The following FRMPD4 variants were observed in gnomAD, a reference collection of about 807,000 sequenced individuals.
FRMPD4 encodes the protein FERM and PDZ domain containing 4, also known as FERM and PDZ domain-containing protein 4.
Under a neutral mutation model 94.1 loss-of-function variants are expected in FRMPD4, and 22 were observed. That is an observed-to-expected ratio of 0.23 (90% CI 0.17 to 0.33). The LOEUF (loss-of-function observed/expected upper bound fraction) is 0.33. Among genes scored for constraint, FRMPD4 ranks in the 10% least tolerant of loss-of-function variants. The pLI is 1.00. For synonymous variants in FRMPD4, 631 were observed against 548.6 expected (o/e 1.15, Z -2.10); for missense variants, 1,111 against 1,339.9 (o/e 0.83, Z 2.67).
At chrX:12,155,581 C>CAAAAAA (rs60727413) in intron 1 of FRMPD4, among the ~76,000 whole-genome samples, 7 of 21,914 alleles carry the variant, frequency 3.2e-4, no homozygotes, top group African/African-American at 5.5e-4. Flanking sequence ...CATATCCTCA[C>CAAAAAA]AAAAAAAAAA....
chrX:12,529,833 AGCAAATTCAGTGTCAGCT>A (rs1263999615), intron 2 of FRMPD4, among the ~76,000 whole-genome samples: 1 of 107,644 alleles, frequency 9.3e-6, no homozygotes, highest in Admixed American at 1.0e-4. Flanking sequence ...TCACAACACC[AGCAAATTCAGTGTCAGCT>A]GAAGGCCCAT....
intron 1 of FRMPD4, among the ~76,000 whole-genome samples, chrX:11,845,301 A>G (rs769675600): frequency 8.9e-6 from 1 of 112,105 alleles, no homozygotes; most frequent in Non-Finnish European, 1.9e-5. Flanking sequence ...GTGAACAGGA[A>G]ATCTTGAAAG....
chrX:12,127,574 A>G (rs2055511334), intron 3 of FRMPD4, among the ~76,000 whole-genome samples: 2 of 111,498 alleles, frequency 1.8e-5, no homozygotes, highest in Non-Finnish European at 3.8e-5. Context: ...ATGGGGACAC[A>G]GCCAAACCAT....
chrX:12,686,411 T>G (rs747183997), intron 7 of FRMPD4, among the ~76,000 whole-genome samples: 9 of 112,393 alleles, frequency 8.0e-5, no homozygotes, highest in Non-Finnish European at 1.5e-4. Context: ...CTTTTATTTC[T>G]CTTGGTGTTG....
intron 1 of FRMPD4, among the ~76,000 whole-genome samples, chrX:12,277,883 C>T (rs1176451187): frequency 8.9e-6 from 1 of 112,131 alleles, no homozygotes; most frequent in East Asian, 2.8e-4. Flanking sequence ...TCGTGTTGGA[C>T]AGCACAGGTA....
intron 3 of FRMPD4, among the ~76,000 whole-genome samples, chrX:12,610,309 AG>A (rs1407644954): frequency 2.7e-5 from 3 of 112,633 alleles, no homozygotes; most frequent in Non-Finnish European, 5.6e-5. Flanking sequence ...GGCAAAATAA[AG>A]GGAAAACCAT....
At chrX:11,885,402 A>G (rs1366159849) in intron 3 of FRMPD4, among the ~76,000 whole-genome samples, 1 of 110,777 alleles carries the variant, frequency 9.0e-6, no homozygotes, top group Non-Finnish European at 1.9e-5. Context: ...GGGTGGAAGA[A>G]TGGGGAGTTG....
Position 11,925,138 on chromosome X carries a change from T to TA in FRMPD4, c.95+47135dup, listed in dbSNP as rs201067751. On this transcript the variant is annotated intron_variant, in intron 3 of 18. Coordinates refer to the FRMPD4 transcript ENST00000640291. ...AAACAGACTTTAAACCAACAGAGAT[T>TA]AAAAAAAAAAAAAAACATGAAGAAG... is the stretch of plus-strand genomic sequence containing the variant. Among the ~76,000 whole-genome samples, 518 of 93,534 alleles carry TA rather than the reference T, an allele frequency of 5.5e-3. 2 individuals are homozygous for TA. The highest frequency in any genetic ancestry group is 0.014 in the African/African-American group (365 of 25,406). 81.2% of individuals were successfully genotyped at this position (93,534 alleles called of 115,157 possible). A position where few individuals can be genotyped will look rare whatever the true frequency, so the allele number is the denominator to read the frequency against.
Position 12,498,658 on chromosome X carries a change from CTTTT to C in FRMPD4, c.42-13_42-10del, listed in dbSNP as rs111618469. The C allele has an allele frequency of 1.4e-6, 1 of 725,994 alleles. No individual in the cohort carries two copies. Among genetic ancestry groups the C allele is most frequent in the Non-Finnish European group, 2.0e-6 (1 of 497,171 alleles). The allele number at this position is 725,994 out of a possible 1,213,427, so 59.8% of individuals were successfully genotyped here. A position where few individuals can be genotyped will look rare whatever the true frequency, so the allele number is the denominator to read the frequency against. On this transcript the variant is annotated intron_variant, in intron 1 of 16. Coordinates refer to ENST00000675598, the MANE Select transcript of FRMPD4 (RefSeq NM_001368397.1). ...TGTTCAGGAGTCAGGTGTAATGATG[CTTTT>C]TTTTTTTTCTTTTCCAGCCACAGGA...
intron 2 of FRMPD4, among the ~76,000 whole-genome samples, chrX:12,597,450 C>A (rs1015346952): frequency 8.9e-6 from 1 of 111,906 alleles, no homozygotes; most frequent in Non-Finnish European, 1.9e-5. Context: ...ATTAATGGAA[C>A]CTGTCTTGGA....
intron 2 of FRMPD4, among the ~76,000 whole-genome samples, chrX:12,562,291 A>G (rs2058667234): frequency 8.9e-6 from 1 of 112,655 alleles, no homozygotes; most frequent in Non-Finnish European, 1.9e-5. Flanking sequence ...GATTTCCTCT[A>G]TTTAACAAGG....
intron 1 of FRMPD4, among the ~76,000 whole-genome samples, chrX:12,362,683 T>C: frequency 8.9e-6 from 1 of 111,893 alleles, no homozygotes; most frequent in East Asian, 2.8e-4. Context: ...CATGTGTCTT[T>C]ATAGCAGCAT....
At chrX:12,128,342 T>C (rs2055518888) in intron 3 of FRMPD4, among the ~76,000 whole-genome samples, 1 of 110,314 alleles carries the variant, frequency 9.1e-6, no homozygotes, top group Non-Finnish European at 1.9e-5. Flanking sequence ...GCTTGGGGCT[T>C]GCACCCTCTG....
In FRMPD4 at chrX:12,716,889, C is replaced by A; in HGVS notation, c.2430C>A (p.Pro810=). Residue 810 remains proline (P), a synonymous_variant, in exon 15 of 17, where the codon CCC becomes CCA. Coordinates refer to ENST00000675598, the MANE Select transcript of FRMPD4 (RefSeq NM_001368397.1). ...LRSLNMAIAA[P]PPGFRDSSDE... ...CCTTGAACATGGCCATTGCCGCACCCCCACCTGGCTTTAGAGACAGTTCAG... is the reference window on the plus strand; with the variant it reads ...CCTTGAACATGGCCATTGCCGCACCACCACCTGGCTTTAGAGACAGTTCAG... 8.3e-7 allele frequency: 1 copy of A among 1,211,181 alleles called. No individual in the cohort carries two copies. Among genetic ancestry groups the A allele is most frequent in the South Asian group, 1.8e-5 (1 of 56,956 alleles).
At chrX:11,949,251 G>C (rs945964371) in intron 3 of FRMPD4, among the ~76,000 whole-genome samples, 1 of 112,140 alleles carries the variant, frequency 8.9e-6, no homozygotes, top group Non-Finnish European at 1.9e-5. Context: ...GTGGTGTCTG[G>C]TGCATGTATA....
intron 2 of FRMPD4, among the ~76,000 whole-genome samples, chrX:12,604,123 GAA>G (rs778184769): frequency 1.1e-5 from 1 of 93,482 alleles, no homozygotes; most frequent in Non-Finnish European, 2.2e-5. Flanking sequence ...TTGGGTAGAG[GAA>G]AAAAAAAAAA....
At chrX:11,963,794 G>T (rs184153727) in intron 3 of FRMPD4, among the ~76,000 whole-genome samples, 1 of 111,784 alleles carries the variant, frequency 8.9e-6, no homozygotes, top group East Asian at 2.8e-4. Flanking sequence ...CAATTCTGGG[G>T]AATCACAACA....
At chrX:12,684,227 T>G (rs752496652) in intron 6 of FRMPD4, among the ~76,000 whole-genome samples, 1 of 112,628 alleles carries the variant, frequency 8.9e-6, no homozygotes, top group East Asian at 2.8e-4. Context: ...CCCAAAAATA[T>G]ACTGAAGTGT....
At chrX:12,668,474 A>C (rs113012865) in intron 4 of FRMPD4, among the ~76,000 whole-genome samples, 4 of 111,668 alleles carry the variant, frequency 3.6e-5, no homozygotes, top group African/African-American at 1.3e-4. Flanking sequence ...GACTTTAAAT[A>C]TAATCAACAT....
Sources: gnomAD v4.1 joint callset for allele counts (sites outside exome capture counted in the v4.1 genomes callset) on GRCh38, gnomAD v4.1.1 for gene constraint, MANE v1.5 for transcripts, NCBI Gene and HGNC (gene_info 2026-07-23, HGNC 2026-07-21) for gene names.